Variants in TMEM163 observed in about 807,000 individuals in gnomAD.
The protein encoded by TMEM163 is transmembrane protein 163.
In TMEM163, 17 loss-of-function variants were observed where a neutral mutation model predicts 29.3. That is an observed-to-expected ratio of 0.58 (90% CI 0.40 to 0.87). The LOEUF is 0.87. TMEM163 is among the 40% of genes least tolerant of loss of function. The probability of loss-of-function intolerance (pLI) is 0.00; values close to 1 mark genes in which losing one functional copy is unlikely to be tolerated. For synonymous variants in TMEM163, 157 were observed against 160.6 expected (o/e 0.98, Z 0.17); for missense variants, 303 against 381.5 (o/e 0.79, Z 1.71).
chr2:134,597,524 T>A (rs975984170), intron 2 of TMEM163, among the ~76,000 whole-genome samples: 1 of 152,240 alleles, frequency 6.6e-6, no homozygotes, highest in African/African-American at 2.4e-5. Flanking sequence ...GTCAGTATTT[T>A]ACTGAGGATT....
At chr2:134,482,038 A>C (rs1173971119) in intron 5 of TMEM163, among the ~76,000 whole-genome samples, 2 of 152,148 alleles carry the variant, frequency 1.3e-5, no homozygotes, top group African/African-American at 2.4e-5. Context: ...TGTAAATAAA[A>C]TTCCACCTCC....
chr2:134,619,034 A>C (rs1682670658), intron 2 of TMEM163, among the ~76,000 whole-genome samples: 1 of 152,220 alleles, frequency 6.6e-6, no homozygotes, highest in Non-Finnish European at 1.5e-5. Context: ...TAAACCTAAG[A>C]GTTGGTTATT....
intron 4 of TMEM163, among the ~76,000 whole-genome samples, chr2:134,527,630 G>A (rs542605732): frequency 1.3e-5 from 2 of 152,234 alleles, no homozygotes; most frequent in East Asian, 3.9e-4. Context: ...CCGCTCTCCC[G>A]GGATCCTGAG....
At chr2:134,477,377 G>A (rs1162330300) in intron 5 of TMEM163, among the ~76,000 whole-genome samples, 4 of 152,212 alleles carry the variant, frequency 2.6e-5, no homozygotes, top group Non-Finnish European at 2.9e-5. Context: ...AATGTGCCAC[G>A]TTGGAGTGAA....
At chr2:134,715,631 A>G (rs898688183) in intron 1 of TMEM163, among the ~76,000 whole-genome samples, 1 of 152,210 alleles carries the variant, frequency 6.6e-6, no homozygotes, top group African/African-American at 2.4e-5. Context: ...ATGATGATGT[A>G]TAAAGACTCA....
chr2:134,637,778 A>G (rs6430528), intron 2 of TMEM163, among the ~76,000 whole-genome samples: 88,386 of 152,122 alleles, frequency 0.58, 26,425 homozygotes, highest in Non-Finnish European at 0.63. Context: ...ACTTTCTTAA[A>G]TGTATGTGCA....
intron 4 of TMEM163, among the ~76,000 whole-genome samples, chr2:134,538,719 T>TA (rs751776116): frequency 2.0e-5 from 3 of 152,262 alleles, no homozygotes; most frequent in Admixed American, 6.5e-5. Context: ...AAAGATATGC[T>TA]AGGCCACAAA....
chr2:134,585,983 A>C (rs1399403441), intron 2 of TMEM163, among the ~76,000 whole-genome samples: 1 of 152,176 alleles, frequency 6.6e-6, no homozygotes, highest in Non-Finnish European at 1.5e-5. Context: ...TGGACTTAAG[A>C]CTTTTTGAAA....
intron 5 of TMEM163, among the ~76,000 whole-genome samples, chr2:134,495,121 G>A (rs1229198554): frequency 3.3e-5 from 5 of 152,242 alleles, no homozygotes; most frequent in Admixed American, 3.3e-4. Flanking sequence ...CAAAGGAAAG[G>A]ATGAGTGTCT....
chr2:134,589,186 A>T (rs1208916324), intron 2 of TMEM163, among the ~76,000 whole-genome samples: 1 of 152,192 alleles, frequency 6.6e-6, no homozygotes, highest in Admixed American at 6.5e-5. Context: ...GGCACTGAAA[A>T]GGGAATGAGA....
At chr2:134,507,233 G>C (rs1457003495) in intron 4 of TMEM163, among the ~76,000 whole-genome samples, 1 of 152,012 alleles carries the variant, frequency 6.6e-6, no homozygotes, top group Non-Finnish European at 1.5e-5. Flanking sequence ...CTACTTGGGA[G>C]GCAGAGGCAG....
chr2:134,644,453 T>G (rs973005408), intron 2 of TMEM163, among the ~76,000 whole-genome samples: 2 of 152,096 alleles, frequency 1.3e-5, no homozygotes, highest in African/African-American at 4.8e-5. Flanking sequence ...CGCAGAAATA[T>G]GGCCATATGA....
At chr2:134,559,885 C>T (rs1357055620) in intron 2 of TMEM163, among the ~76,000 whole-genome samples, 1 of 152,154 alleles carries the variant, frequency 6.6e-6, no homozygotes, top group Non-Finnish European at 1.5e-5. Flanking sequence ...TCATTCATCC[C>T]TCCATGCCCC....
chr2:134,540,854 A>C lies in TMEM163; in HGVS notation c.458+9716T>G, dbSNP rs140237691. 1.1e-3 allele frequency among the ~76,000 whole-genome samples: 174 copies of C among 152,364 alleles called. 1 individual carries two copies. The highest frequency in any genetic ancestry group is 4.0e-3 in the African/African-American group (166 of 41,578). ...CTTACATAAAATGAAGAAATTCCAT[A>C]GTTAAGTCTTTCCTTCTGCAATTCT... On this transcript the variant is annotated intron_variant, in intron 4 of 7. Transcript: ENST00000281924.
chr2:134,700,381 A>G (rs910486869), intron 2 of TMEM163, among the ~76,000 whole-genome samples: 1 of 152,158 alleles, frequency 6.6e-6, no homozygotes, highest in East Asian at 1.9e-4. Flanking sequence ...CATGTTTTTT[A>G]GTAAACGTGA....
intron 5 of TMEM163, among the ~76,000 whole-genome samples, chr2:134,497,488 C>T (rs1028439797): frequency 2.6e-5 from 4 of 152,156 alleles, no homozygotes; most frequent in African/African-American, 9.7e-5. Flanking sequence ...TCATGGTCCA[C>T]GCAAGGCAGA....
At chr2:134,673,345 C>A (rs1269903097) in intron 2 of TMEM163, among the ~76,000 whole-genome samples, 1 of 152,142 alleles carries the variant, frequency 6.6e-6, no homozygotes, top group African/African-American at 2.4e-5. Flanking sequence ...GCAGATCTTC[C>A]AACACTGCAC....
At chr2:134,522,781 TACAAGTAC>T (rs1187009784) in intron 4 of TMEM163, among the ~76,000 whole-genome samples, 1 of 152,254 alleles carries the variant, frequency 6.6e-6, no homozygotes, top group African/African-American at 2.4e-5. Context: ...TCCCTACTGT[TACAAGTAC>T]CCCATTTTTC....
chr2:134,538,563 C>T (rs962846579), intron 4 of TMEM163, among the ~76,000 whole-genome samples: 1 of 152,152 alleles, frequency 6.6e-6, no homozygotes, highest in African/African-American at 2.4e-5. Context: ...ACACAAATGC[C>T]CATCAACCGA....
Sources: allele counts gnomAD v4.1 joint callset (sites outside exome capture counted in the v4.1 genomes callset), GRCh38; gene constraint gnomAD v4.1.1; transcripts MANE v1.5; gene names NCBI Gene and HGNC (gene_info 2026-07-23, HGNC 2026-07-21).